ZNF581: variants seen among roughly 807,000 people sequenced by gnomAD.
The protein encoded by ZNF581 is zinc finger protein 581.
Under a neutral mutation model 1.2 loss-of-function variants are expected in ZNF581, and 1 was observed. That is an observed-to-expected ratio of 0.83 (90% CI 0.30 to 3.95). ZNF581 has a LOEUF of 3.95. Ranked by LOEUF, ZNF581 falls within the 30% of genes most tolerant of loss-of-function variation. ZNF581 has a pLI of 0.18. For missense variants in ZNF581, 273 were observed against 274.6 expected, an observed-to-expected ratio of 0.99 and a Z score of 0.04; for synonymous variants, 105 against 109.2, an observed-to-expected ratio of 0.96 and a Z score of 0.24.
chr19:55,645,171 G>A lies in ZNF581; in HGVS notation c.*6G>A. 1.3e-6 allele frequency: 2 copies of A among 1,512,230 alleles called. No homozygotes were observed. Among genetic ancestry groups the A allele is most frequent in the Non-Finnish European group, 1.8e-6 (2 of 1,128,480 alleles). 93.7% of individuals were successfully genotyped at this position (1,512,230 alleles called of 1,614,324 possible). On this transcript the variant is annotated 3_prime_UTR_variant, in exon 2 of 2. Transcript: ENST00000270451. Reference sequence around the variant, plus strand: ...CGCGGTGGAAGCATCCATGAGCCGGGCTGCCGGGTGCCCCAGGTACCACAG... The same window carrying A: ...CGCGGTGGAAGCATCCATGAGCCGGACTGCCGGGTGCCCCAGGTACCACAG...
chr19:55,642,079 G>GA (rs1982530644), upstream of ZNF581: 14 of 989,912 alleles, frequency 1.4e-5, no homozygotes, highest in Non-Finnish European at 1.7e-5. Context: ...TGGGCAACAG[G>GA]AAAAAAGAAG....
chr19:55,645,001 C>A lies in ZNF581; in HGVS notation c.430C>A (p.Pro144Thr). Residue 144 changes from proline (P) to threonine (T), a missense_variant, in exon 2 of 2, where the codon CCC becomes ACC. By Grantham distance (38) the Pro-to-Thr change is conservative. Transcript: ENST00000270451. ...HSIHLAGGGRPHGCPLCPRRF... is the reference protein window; with the variant it reads ...HSIHLAGGGRTHGCPLCPRRF... Reference sequence around the variant, plus strand: ...CATTCACCTGGCGGGTGGTGGGCGGCCCCACGGCTGCCCGCTCTGCCCTCG... The same window carrying A: ...CATTCACCTGGCGGGTGGTGGGCGGACCCACGGCTGCCCGCTCTGCCCTCG... 2 of 1,600,528 alleles carry A rather than the reference C, an allele frequency of 1.2e-6. No homozygotes were observed. The highest frequency in any genetic ancestry group is 2.7e-5 in the African/African-American group (2 of 74,838).
chr19:55,645,267 G>A lies in ZNF581; in HGVS notation c.*102G>A. On this transcript the variant is annotated 3_prime_UTR_variant, in exon 2 of 2. Transcript: ENST00000270451. ...CCTGAGGCTGGTGTTCAGGGCCCTG[G>A]ACACAGACACAGAGCAGCCGCATCT... The A allele has an allele frequency of 6.9e-6, 7 of 1,011,414 alleles. No homozygotes were observed. Among genetic ancestry groups the A allele is most frequent in the Non-Finnish European group, 9.8e-6 (7 of 713,102 alleles). The allele number at this position is 1,011,414 out of a possible 1,614,324, so 62.7% of individuals were successfully genotyped here.
At chr19:55,642,693 C>A, upstream of ZNF581, 1 of 1,477,334 alleles carries the variant, frequency 6.8e-7, no homozygotes, top group Non-Finnish European at 9.0e-7. Context: ...AATGGGGTCC[C>A]CTACACATAC....
upstream of ZNF581, chr19:55,635,298 T>G (rs921307571): frequency 6.6e-6 from 1 of 152,450 alleles, no homozygotes; most frequent in African/African-American, 2.4e-5. Context: ...GGCACAGGCC[T>G]GGGCATCACT....
rs112877603 is a variant in ZNF581, at chr19:55,644,639, C to T, written c.68C>T (p.Pro23Leu). 2.0e-5 allele frequency: 33 copies of T among 1,610,690 alleles called. No individual in the cohort carries two copies. In the East Asian group the frequency reaches 6.0e-4, roughly 30 times the overall value. The change falls in exon 2 of 2, where the codon CCT becomes CTT. Residue 23 changes from proline (P) to leucine (L), a missense_variant. By Grantham distance (98) the Pro-to-Leu change is moderately conservative. Coordinates refer to ENST00000270451, the MANE Select transcript of ZNF581 (RefSeq NM_016535.4). The surrounding 1 kb of genome is among the most constrained non-coding windows in gnomAD (Gnocchi z 4.3). The part of the protein sequence containing the change: ...AFSSVETMEG[P>L]PRRTCRSPEP... ...TCCTCCGTTGAGACCATGGAGGGCC[C>T]TCCCCGTCGGACTTGCCGCTCCCCA...
chr19:55,641,059 C>A (rs1355376567), upstream of ZNF581: 4 of 985,182 alleles, frequency 4.1e-6, no homozygotes, highest in South Asian at 4.7e-5. Flanking sequence ...GTCCCCGCGT[C>A]CCCGGCGCCG....
At chr19:55,640,717 C>T, upstream of ZNF581, 1 of 985,468 alleles carries the variant, frequency 1.0e-6, no homozygotes. Flanking sequence ...GTGGCCACGG[C>T]CGAGCAGGCA....
upstream of ZNF581, chr19:55,641,746 G>C (rs1322743864): frequency 6.6e-6 from 1 of 152,026 alleles, no homozygotes; most frequent in African/African-American, 2.4e-5. Context: ...CAGGTTGGGG[G>C]GGCGGGGTAT....
upstream of ZNF581, chr19:55,641,046 C>A: frequency 2.0e-6 from 2 of 985,154 alleles, no homozygotes; most frequent in Non-Finnish European, 2.4e-6. Context: ...CCCCGCGCCC[C>A]CAGTCCCCGC....
upstream of ZNF581, chr19:55,641,314 G>C (rs1982456830): frequency 5.0e-6 from 3 of 594,730 alleles, no homozygotes; most frequent in Non-Finnish European, 4.2e-6. Context: ...GCGGAGGGAC[G>C]GGAGGGGAAG....
upstream of ZNF581, among the ~76,000 whole-genome samples, chr19:55,639,739 C>T (rs1319800861): frequency 6.6e-6 from 1 of 152,180 alleles, no homozygotes; most frequent in Non-Finnish European, 1.5e-5. Flanking sequence ...GCCTCAGCCT[C>T]CCAAGTAGCT....
upstream of ZNF581, among the ~76,000 whole-genome samples, chr19:55,639,425 G>C (rs1982307717): frequency 6.6e-6 from 1 of 152,200 alleles, no homozygotes. Flanking sequence ...TCCAGCGTGG[G>C]CGACAGAGTG....
At chr19:55,638,841 T>A (rs1353772377), upstream of ZNF581, among the ~76,000 whole-genome samples, 1 of 151,730 alleles carries the variant, frequency 6.6e-6, no homozygotes, top group Non-Finnish European at 1.5e-5. Context: ...ATAAAATTGT[T>A]ATATTTTATA....
At chr19:55,640,740 T>C (rs1982404602), upstream of ZNF581, 1 of 985,292 alleles carries the variant, frequency 1.0e-6, no homozygotes, top group East Asian at 1.1e-4. Flanking sequence ...GACGGCCCAG[T>C]GGAAAGAGGA....
At chr19:55,637,023 G>A (rs485152), upstream of ZNF581, among the ~76,000 whole-genome samples, 110,038 of 151,998 alleles carry the variant, frequency 0.72, 40,445 homozygotes, top group Middle Eastern at 0.84. Context: ...TTTTGATCAT[G>A]ACGCACTGCA....
At chr19:55,639,674 T>G (rs535245525), upstream of ZNF581, among the ~76,000 whole-genome samples, 5 of 152,276 alleles carry the variant, frequency 3.3e-5, no homozygotes, top group East Asian at 9.7e-4. Flanking sequence ...TGCAGTATAG[T>G]GGCACGATCT....
At position 55,644,838 on chromosome 19, in the gene ZNF581, C is replaced by T. The variant is rs1298974045; in HGVS notation, c.267C>T (p.Cys89=). The change falls in exon 2 of 2, where the codon TGC becomes TGT. Residue 89 remains cysteine (C), a synonymous_variant. Transcript: ENST00000270451. The surrounding 1 kb of genome is among the most constrained non-coding windows in gnomAD (Gnocchi z 4.3). ...CAGGCCAGAAAAAGTGCTACAGCTG[C>T]CCCGTGTGCTCAAGGGTCTTCGAGT... ...GAPGQKKCYS[C]PVCSRVFEYM... The T allele has an allele frequency of 1.9e-6, 3 of 1,612,748 alleles. No individual in the cohort carries two copies. The highest frequency in any genetic ancestry group is 1.7e-6 in the Non-Finnish European group (2 of 1,178,948).
upstream of ZNF581, chr19:55,642,235 T>A: frequency 8.3e-7 from 1 of 1,209,928 alleles, no homozygotes; most frequent in Non-Finnish European, 1.0e-6. Flanking sequence ...TCCTCAGACC[T>A]GACCTGAGTG....
Sources: gnomAD v4.1 joint callset for allele counts (sites outside exome capture counted in the v4.1 genomes callset) on GRCh38, gnomAD v4.1.1 for gene constraint, Gnocchi (gnomAD v3.1) non-coding constraint, MANE v1.5 for transcripts, NCBI Gene and HGNC (gene_info 2026-07-23, HGNC 2026-07-21) for gene names.